Variants in ITSN1 observed in about 807,000 individuals in gnomAD.
ITSN1 encodes the protein intersectin 1, also known as intersectin-1.
Under a neutral mutation model 239.8 loss-of-function variants are expected in ITSN1, and 58 were observed. The observed-to-expected ratio is 0.24, with a 90% CI of 0.20 to 0.30. ITSN1 has a LOEUF of 0.30. ITSN1 is among the 10% of genes least tolerant of loss of function. The pLI is 1.00. For synonymous variants in ITSN1, 780 were observed against 770.8 expected (o/e 1.01, Z -0.20); for missense variants, 1,558 against 2,103.3 (o/e 0.74, Z 5.07).
intron 4 of ITSN1, among the ~76,000 whole-genome samples, chr21:33,726,114 C>T (rs1209755647): frequency 6.6e-6 from 1 of 152,180 alleles, no homozygotes; most frequent in African/African-American, 2.4e-5. Context: ...CTGCCTCAGC[C>T]TCCCAAGTAG....
At chr21:33,645,924 G>T (rs996014690) in intron 1 of ITSN1, among the ~76,000 whole-genome samples, 2 of 152,164 alleles carry the variant, frequency 1.3e-5, no homozygotes, top group Non-Finnish European at 2.9e-5. Context: ...CTGTGATTGC[G>T]TAATTTTACC....
At chr21:33,715,283 C>A (rs957456737) in intron 1 of ITSN1, among the ~76,000 whole-genome samples, 1 of 151,846 alleles carries the variant, frequency 6.6e-6, no homozygotes, top group African/African-American at 2.4e-5. Flanking sequence ...TAAAGAGATT[C>A]ATATGTGAGA....
chr21:33,738,563 G>A (rs746279617), intron 5 of ITSN1, among the ~76,000 whole-genome samples: 9 of 151,560 alleles, frequency 5.9e-5, no homozygotes, highest in Non-Finnish European at 1.3e-4. Flanking sequence ...CACCACACCC[G>A]GCTAATTTTT....
chr21:33,779,111 ATT>A (rs1214322125), intron 14 of ITSN1, among the ~76,000 whole-genome samples: 2 of 117,566 alleles, frequency 1.7e-5, no homozygotes. Flanking sequence ...GGCTCTATTG[ATT>A]TTTTTTTTTT....
intron 33 of ITSN1, among the ~76,000 whole-genome samples, chr21:33,874,877 G>T (rs1283556929): frequency 2.6e-5 from 4 of 152,138 alleles, no homozygotes; most frequent in Admixed American, 2.6e-4. Context: ...TCGATCTCTT[G>T]ACCTTGTGAT....
At chr21:33,696,837 C>G (rs1447960938) in intron 1 of ITSN1, among the ~76,000 whole-genome samples, 3 of 152,128 alleles carry the variant, frequency 2.0e-5, no homozygotes, top group Admixed American at 1.3e-4. Context: ...AACCACTGTT[C>G]GTGCCGATGA....
chr21:33,840,515 G>GCAACCA (rs2074785979), intron 29 of ITSN1, among the ~76,000 whole-genome samples: 1 of 151,988 alleles, frequency 6.6e-6, no homozygotes, highest in Non-Finnish European at 1.5e-5. Flanking sequence ...AGGCATGCAC[G>GCAACCA]TGGGTCTGGC....
Position 33,829,067 on chromosome 21 carries a change from A to G in ITSN1, c.3230-557A>G, listed in dbSNP as rs143096725. The G allele has an allele frequency of 2.4e-3, 1,105 of 461,682 alleles. 7 individuals are homozygous for G. The highest frequency in any genetic ancestry group is 0.02 in the African/African-American group (1,003 of 49,754). 28.6% of individuals were successfully genotyped at this position (461,682 alleles called of 1,614,324 possible). A position where few individuals can be genotyped will look rare whatever the true frequency, so the allele number is the denominator to read the frequency against. ...TCTCAAAATGTGAGCCATAAAGAAGAAGGCTGTGTCGTTGGGAGTGAGAAT... is the reference window on the plus strand; with the variant it reads ...TCTCAAAATGTGAGCCATAAAGAAGGAGGCTGTGTCGTTGGGAGTGAGAAT... On this transcript the variant is annotated intron_variant, in intron 26 of 39. Coordinates refer to ENST00000381318, the MANE Select transcript of ITSN1 (RefSeq NM_003024.3).
At chr21:33,821,087 T>G (rs777573784) in intron 24 of ITSN1, among the ~76,000 whole-genome samples, 3 of 152,264 alleles carry the variant, frequency 2.0e-5, no homozygotes, top group Non-Finnish European at 2.9e-5. Context: ...GCTACTTTTA[T>G]GTCGTTTTTG....
At chr21:33,746,364 T>C (rs1319471736) in intron 5 of ITSN1, among the ~76,000 whole-genome samples, 1 of 152,222 alleles carries the variant, frequency 6.6e-6, no homozygotes, top group Non-Finnish European at 1.5e-5. Flanking sequence ...GAACTATCTC[T>C]GATCCAGCTG....
intron 1 of ITSN1, among the ~76,000 whole-genome samples, chr21:33,687,638 G>A (rs751195221): frequency 8.5e-5 from 13 of 152,160 alleles, no homozygotes; most frequent in African/African-American, 2.4e-4. Context: ...ATGAACCAAC[G>A]TTCAGGAACA....
rs915856363 is a variant in ITSN1, at chr21:33,726,590, A to G, written c.185+3939A>G. On this transcript the variant is annotated intron_variant, in intron 4 of 39. Coordinates refer to ENST00000381318, the MANE Select transcript of ITSN1 (RefSeq NM_003024.3). ...ATGATCATAGCTCACTGCAGCCTCA[A>G]TATTCTGGGCTCAAACAATCCTCCG... 1.1e-4 allele frequency among the ~76,000 whole-genome samples: 16 copies of G among 151,694 alleles called. 1 individual carries two copies. Among genetic ancestry groups the G allele is most frequent in the Non-Finnish European group, 4.4e-5 (3 of 67,940 alleles).
chr21:33,820,033 T>C (rs2073567527), intron 24 of ITSN1, among the ~76,000 whole-genome samples: 1 of 152,078 alleles, frequency 6.6e-6, no homozygotes, highest in African/African-American at 2.4e-5. Context: ...CACAGACCAC[T>C]AGAGTTCTCA....
intron 5 of ITSN1, among the ~76,000 whole-genome samples, chr21:33,739,366 T>C (rs998553217): frequency 9.2e-5 from 14 of 152,164 alleles, no homozygotes; most frequent in Non-Finnish European, 1.5e-4. Context: ...TTCTTTTGCT[T>C]GGTTTTTGTT....
At chr21:33,856,654 G>A in intron 29 of ITSN1, 82 bp from the exon 30 acceptor site, 1 of 1,594,082 alleles carries the variant, frequency 6.3e-7, no homozygotes, top group East Asian at 2.2e-5. Context: ...TCAGGACCCA[G>A]CAGCCACGAG....
chr21:33,683,341 A>G (rs1277871987), intron 1 of ITSN1, among the ~76,000 whole-genome samples: 1 of 152,202 alleles, frequency 6.6e-6, no homozygotes, highest in Admixed American at 6.5e-5. Flanking sequence ...GATAAGCTTA[A>G]TGTGAGTCAT....
chr21:33,873,609 G>T (rs186234952), intron 33 of ITSN1, among the ~76,000 whole-genome samples: 1 of 152,300 alleles, frequency 6.6e-6, no homozygotes, highest in East Asian at 1.9e-4. Flanking sequence ...GGTGGCTCAC[G>T]CCTGTAATCC....
At chr21:33,771,583 C>A (rs2069164887) in intron 11 of ITSN1, among the ~76,000 whole-genome samples, 1 of 152,196 alleles carries the variant, frequency 6.6e-6, no homozygotes. Flanking sequence ...TGACTGTGAT[C>A]TCCATAGGGA....
In ITSN1 at chr21:33,767,804, C is replaced by G; in HGVS notation, c.1018C>G (p.Gln340Glu). The G allele has an allele frequency of 6.2e-7, 1 of 1,605,748 alleles. No homozygotes were observed. The highest frequency in any genetic ancestry group is 8.5e-7 in the Non-Finnish European group (1 of 1,172,802). ...GGAACCAGTTTTAGAAGATGAACAA[C>G]AACAATTAGAAAAGAAATTACCTGG... is the stretch of plus-strand genomic sequence containing the variant. ...PEEPVLEDEQ[Q>E]QLEKKLPVTF... The change falls in exon 11 of 40, where the codon CAA (glutamine) becomes GAA (glutamate). Residue 340 changes from glutamine (Q) to glutamate (E), a missense_variant. Coordinates refer to ENST00000381318, the MANE Select transcript of ITSN1 (RefSeq NM_003024.3).
Sources: gnomAD v4.1 joint callset for allele counts (sites outside exome capture counted in the v4.1 genomes callset) on GRCh38, gnomAD v4.1.1 for gene constraint, MANE v1.5 for transcripts, NCBI Gene and HGNC (gene_info 2026-07-23, HGNC 2026-07-21) for gene names.